TBC1D15: variants seen among roughly 807,000 people sequenced by gnomAD.
The protein encoded by TBC1D15 is TBC1 domain family member 15.
Under a neutral mutation model 95.4 loss-of-function variants are expected in TBC1D15, and 39 were observed. The observed-to-expected ratio is 0.41, with a 90% confidence interval of 0.32 to 0.53. TBC1D15 has a LOEUF of 0.53. Ranked by LOEUF, TBC1D15 falls within the 20% of genes least tolerant of loss-of-function variation. The probability of loss-of-function intolerance (pLI) is 0.29; values close to 1 mark genes in which losing one functional copy is unlikely to be tolerated. For synonymous variants in TBC1D15, 258 were observed against 261.3 expected, an observed-to-expected ratio of 0.99 and a Z score of 0.12; for missense variants, 733 against 794.3, an observed-to-expected ratio of 0.92 and a Z score of 0.93.
chr12:71,873,263 C>CT (rs897120926), intron 3 of TBC1D15, among the ~76,000 whole-genome samples: 60 of 152,252 alleles, frequency 3.9e-4, no homozygotes, highest in African/African-American at 1.4e-3. Context: ...CTTTCTGTCT[C>CT]TAAGGATTTG....
chr12:71,861,551 G>C, intron 1 of TBC1D15: 4 of 1,408,436 alleles, frequency 2.8e-6, no homozygotes, highest in Non-Finnish European at 3.7e-6. Flanking sequence ...TTAATGTATA[G>C]TTTTTAAATT....
intron 1 of TBC1D15, among the ~76,000 whole-genome samples, chr12:71,845,890 TAAA>T (rs1565933990): frequency 6.6e-6 from 1 of 152,098 alleles, no homozygotes; most frequent in Non-Finnish European, 1.5e-5. Context: ...TGGAAATAAA[TAAA>T]AATTATAATA....
intron 1 of TBC1D15, chr12:71,849,778 C>T (rs1887300675): frequency 7.3e-6 from 4 of 551,384 alleles, no homozygotes; most frequent in Non-Finnish European, 1.4e-5. Context: ...CCAGGATCTC[C>T]AAAATTGACT....
Position 71,850,660 on chromosome 12 carries a change from C to T in TBC1D15, c.30+10849C>T, listed in dbSNP as rs7302543. On this transcript the variant is annotated intron_variant, in intron 1 of 16. Transcript: ENST00000485960. ...TCCTGCCCTCAAGGCGATCCTCCTACCTGGGCCTCTGTATTAGTTTTCACA... is the reference window on the plus strand; with the variant it reads ...TCCTGCCCTCAAGGCGATCCTCCTATCTGGGCCTCTGTATTAGTTTTCACA... Among the ~76,000 whole-genome samples the T allele has an allele frequency of 4.9e-3, 746 of 152,262 alleles. 9 individuals carry two copies. Among genetic ancestry groups the T allele is most frequent in the African/African-American group, 0.017 (693 of 41,544 alleles).
Position 71,839,767 on chromosome 12 carries a change from G to A in TBC1D15, c.-15G>A. 1 of 1,614,154 alleles carries A rather than the reference G, an allele frequency of 6.2e-7. No individual in the cohort carries two copies. The highest frequency in any genetic ancestry group is 1.3e-5 in the African/African-American group (1 of 75,042). On this transcript the variant is annotated 5_prime_UTR_variant, in exon 1 of 17. Transcript: ENST00000485960. ...TGAGGTTCTGCTACGTCATTACCAGGCACGCGCAGGAAACATGGCGGCGGC... is the reference window on the plus strand; with the variant it reads ...TGAGGTTCTGCTACGTCATTACCAGACACGCGCAGGAAACATGGCGGCGGC...
chr12:71,862,562 A>G (rs1018324062), intron 1 of TBC1D15, among the ~76,000 whole-genome samples: 4 of 152,208 alleles, frequency 2.6e-5, no homozygotes, highest in African/African-American at 9.6e-5. Context: ...CGTTAGCAGC[A>G]TATAGTTGGG....
chr12:71,886,891 G>A (rs1439974715), intron 5 of TBC1D15, among the ~76,000 whole-genome samples: 3 of 152,140 alleles, frequency 2.0e-5, no homozygotes, highest in Non-Finnish European at 2.9e-5. Context: ...TCGGTGTTGC[G>A]ATGTAACTCA....
intron 13 of TBC1D15, 105 bp from the exon 14 acceptor site, chr12:71,918,346 G>C: frequency 1.6e-6 from 1 of 632,096 alleles, no homozygotes; most frequent in Non-Finnish European, 2.7e-6. Context: ...AATGTATAGG[G>C]CCTTGAATTG....
Position 71,923,537 on chromosome 12 carries a change from C to T in TBC1D15, c.*333C>T, listed in dbSNP as rs1375773826. On this transcript the variant is annotated 3_prime_UTR_variant, in exon 17 of 17. Coordinates refer to ENST00000485960, the MANE Select transcript of TBC1D15 (RefSeq NM_001146213.3). ...TTGAAAAACATTCACTTTGTTTAAGCTTATTGGGTTTCAGATTTGATTAAA... is the reference window on the plus strand; with the variant it reads ...TTGAAAAACATTCACTTTGTTTAAGTTTATTGGGTTTCAGATTTGATTAAA... The T allele has an allele frequency of 9.5e-6, 2 of 211,510 alleles. No homozygotes were observed. Among genetic ancestry groups the T allele is most frequent in the Non-Finnish European group, 1.9e-5 (2 of 104,972 alleles). 13.1% of individuals were successfully genotyped at this position (211,510 alleles called of 1,614,324 possible). A position where few individuals can be genotyped will look rare whatever the true frequency, so the allele number is the denominator to read the frequency against.
At position 71,923,123 on chromosome 12, in the gene TBC1D15, A is replaced by T; in HGVS notation, c.1944A>T (p.Thr648=). The change falls in exon 17 of 17, where the codon ACA becomes ACT. Residue 648 remains threonine (T), a synonymous_variant. Coordinates refer to ENST00000485960, the MANE Select transcript of TBC1D15 (RefSeq NM_001146213.3). ...CATTTCAAAGTAATGCCTTGCCTAC[A>T]CTCTCTGCCAGTGGAGCCAGAAATG... ...TSAFQSNALP[T]LSASGARNDS... 1.2e-6 allele frequency: 2 copies of T among 1,614,102 alleles called. No individual in the cohort carries two copies.
chr12:71,844,923 C>T (rs561949938), intron 1 of TBC1D15, among the ~76,000 whole-genome samples: 129 of 152,262 alleles, frequency 8.5e-4, no homozygotes, highest in Admixed American at 2.4e-3. Flanking sequence ...GGTTGGTGCT[C>T]ATAAATGTGC....
At chr12:71,917,658 T>C (rs981752772) in intron 12 of TBC1D15, 40 bp from the exon 13 acceptor site, 2 of 1,332,330 alleles carry the variant, frequency 1.5e-6, no homozygotes, top group Non-Finnish European at 2.1e-6. Flanking sequence ...CTATAAAATA[T>C]TTATTAAATA....
chr12:71,870,491 T>G (rs1308412503), intron 1 of TBC1D15, among the ~76,000 whole-genome samples: 1 of 152,184 alleles, frequency 6.6e-6, no homozygotes, highest in Non-Finnish European at 1.5e-5. Flanking sequence ...AATCAAAACT[T>G]CCTTGGTGAT....
chr12:71,879,860 A>C (rs1398441873), intron 3 of TBC1D15, among the ~76,000 whole-genome samples: 1 of 152,200 alleles, frequency 6.6e-6, no homozygotes, highest in Non-Finnish European at 1.5e-5. Flanking sequence ...TAGTTGTGCT[A>C]TCTTTAGCTA....
intron 1 of TBC1D15, chr12:71,868,742 G>C (rs886974444): frequency 1.3e-5 from 2 of 152,158 alleles, no homozygotes; most frequent in African/African-American, 4.8e-5. Flanking sequence ...GGTTCACCTT[G>C]TTAAAGTTCT....
chr12:71,845,808 C>T (rs112933330), intron 1 of TBC1D15, among the ~76,000 whole-genome samples: 1 of 151,994 alleles, frequency 6.6e-6, no homozygotes, highest in Non-Finnish European at 1.5e-5. Flanking sequence ...TGATTTAGGG[C>T]AATAATTTTA....
At chr12:71,863,161 G>A (rs112858594) in intron 1 of TBC1D15, among the ~76,000 whole-genome samples, 87 of 152,174 alleles carry the variant, frequency 5.7e-4, no homozygotes, top group African/African-American at 2.0e-3. Context: ...AGCGGATCAC[G>A]AGGTCAGGAG....
intron 1 of TBC1D15, among the ~76,000 whole-genome samples, chr12:71,862,569 TGG>T (rs1405673644): frequency 6.6e-6 from 1 of 152,242 alleles, no homozygotes; most frequent in Non-Finnish European, 1.5e-5. Flanking sequence ...AGCATATAGT[TGG>T]GTCATTTAAA....
At chr12:71,852,744 A>G (rs1888135492) in intron 1 of TBC1D15, among the ~76,000 whole-genome samples, 1 of 152,202 alleles carries the variant, frequency 6.6e-6, no homozygotes, top group Admixed American at 6.5e-5. Context: ...AGACATAGCA[A>G]AAGTGACTTT....
Sources: gnomAD v4.1 joint callset for allele counts (sites outside exome capture counted in the v4.1 genomes callset) on GRCh38, gnomAD v4.1.1 for gene constraint, MANE v1.5 for transcripts, NCBI Gene and HGNC (gene_info 2026-07-23, HGNC 2026-07-21) for gene names.